Variants in SMAD2 observed in about 807,000 individuals in gnomAD.
SMAD2 encodes the protein MAD homolog 2.
SMAD2 carries 8 observed loss-of-function variants against 64.4 expected under a neutral mutation model. The observed-to-expected ratio is 0.12, with a 90% CI of 0.07 to 0.22. The LOEUF (loss-of-function observed/expected upper bound fraction) is 0.22, where lower values mean the gene tolerates loss of function less well. Among genes scored for constraint, SMAD2 ranks in the 10% least tolerant of loss-of-function variants. The pLI is 1.00. For missense variants in SMAD2, 289 were observed against 561.2 expected, an observed-to-expected ratio of 0.51 and a Z score of 4.90; for synonymous variants, 203 against 195.8, an observed-to-expected ratio of 1.04 and a Z score of -0.31.
intron 6 of SMAD2, among the ~76,000 whole-genome samples, chr18:47,859,898 A>G (rs963762002): frequency 6.6e-6 from 1 of 152,206 alleles, no homozygotes; most frequent in African/African-American, 2.4e-5. Context: ...TATGAAAGGA[A>G]TAACAAATAT....
intron 1 of SMAD2, chr18:47,912,557 G>A (rs996780152): frequency 5.9e-5 from 9 of 152,360 alleles, no homozygotes; most frequent in African/African-American, 2.2e-4. Flanking sequence ...CAGTGTACAA[G>A]TAAGAGTGTG....
intron 1 of SMAD2, among the ~76,000 whole-genome samples, chr18:47,901,060 C>T (rs2033663714): frequency 6.6e-6 from 1 of 152,102 alleles, no homozygotes; most frequent in Non-Finnish European, 1.5e-5. Flanking sequence ...CAATGTTCTA[C>T]ATATGACAAT....
rs773728040 is a variant in SMAD2, at chr18:47,865,020, A to G, written c.730+39T>C. 4 of 1,141,354 alleles carry G rather than the reference A, an allele frequency of 3.5e-6. No homozygotes were observed. In the Admixed American group the frequency reaches 6.8e-5, roughly 19 times the overall value. The allele number at this position is 1,141,354 out of a possible 1,614,324, so 70.7% of individuals were successfully genotyped here. On this transcript the variant is annotated intron_variant, in intron 6 of 10. Transcript: ENST00000262160. Reference sequence around the variant, plus strand: ...ATTTCAAACAATACAAGAAATGTATATCTAATAACTGAGGAATTTTCAAAG... The same window carrying G: ...ATTTCAAACAATACAAGAAATGTATGTCTAATAACTGAGGAATTTTCAAAG...
intron 6 of SMAD2, among the ~76,000 whole-genome samples, chr18:47,859,032 G>A (rs897111145): frequency 2.6e-5 from 4 of 151,816 alleles, no homozygotes; most frequent in South Asian, 2.1e-4. Flanking sequence ...ATAAAGATTC[G>A]GATAGACTGA....
chr18:47,915,300 C>T (rs1463927713), intron 1 of SMAD2, among the ~76,000 whole-genome samples: 2 of 152,166 alleles, frequency 1.3e-5, no homozygotes, highest in Non-Finnish European at 2.9e-5. Context: ...CAATACAGTT[C>T]TGTACATTTT....
intron 8 of SMAD2, 99 bp downstream of exon 8, chr18:47,848,376 G>A (rs1914741572): frequency 2.2e-6 from 2 of 903,390 alleles, no homozygotes; most frequent in Admixed American, 1.8e-5. Flanking sequence ...AGAGAAAGCT[G>A]GTTTTACTGC....
chr18:47,908,010 A>T (rs930665893), intron 1 of SMAD2, among the ~76,000 whole-genome samples: 1 of 152,348 alleles, frequency 6.6e-6, no homozygotes, highest in African/African-American at 2.4e-5. Flanking sequence ...AAAAAAATTT[A>T]AAAGGTGCCT....
chr18:47,863,570 T>C (rs1384453756), intron 6 of SMAD2, among the ~76,000 whole-genome samples: 1 of 152,188 alleles, frequency 6.6e-6, no homozygotes, highest in Non-Finnish European at 1.5e-5. Flanking sequence ...TTCTGGCTTA[T>C]TTCACTTAAC....
chr18:47,893,819 GATCAATAATAA>G (rs1367042572), intron 2 of SMAD2, among the ~76,000 whole-genome samples: 5 of 152,040 alleles, frequency 3.3e-5, no homozygotes, highest in Non-Finnish European at 7.4e-5. Context: ...GATAGACCAT[GATCAATAATAA>G]CAAATCTCCA....
chr18:47,867,146 T>G (rs2031621550), intron 5 of SMAD2: 1 of 152,174 alleles, frequency 6.6e-6, no homozygotes, highest in African/African-American at 2.4e-5. Flanking sequence ...CCTAGTGTTA[T>G]CATACTACAT....
rs1193458472 is a variant in SMAD2 at position 47,810,530 on chromosome 18, C to G, written c.*31297G>C. On this transcript the variant is annotated 3_prime_UTR_variant, in exon 11 of 11. Coordinates refer to ENST00000262160, the MANE Select transcript of SMAD2 (RefSeq NM_005901.6). ...TTGGCATTAGTGGCACCTGTGACAG[C>G]AAATCAAGGTCCTCCCAAATAAAAA... 2.0e-5 allele frequency: 3 copies of G among 152,188 alleles called. No individual in the cohort carries two copies. The highest frequency in any genetic ancestry group is 7.2e-5 in the African/African-American group (3 of 41,432). The allele number at this position is 152,188 out of a possible 1,614,324, so 9.4% of individuals were successfully genotyped here. A position where few individuals can be genotyped will look rare whatever the true frequency, so the allele number is the denominator to read the frequency against.
chr18:47,907,173 A>G (rs2033938286), intron 1 of SMAD2, among the ~76,000 whole-genome samples: 1 of 152,236 alleles, frequency 6.6e-6, no homozygotes, highest in Non-Finnish European at 1.5e-5. Context: ...TCTACCCTGT[A>G]TCACACATTC....
chr18:47,901,927 G>T (rs890623238), intron 1 of SMAD2, among the ~76,000 whole-genome samples: 7 of 152,160 alleles, frequency 4.6e-5, no homozygotes, highest in Non-Finnish European at 7.4e-5. Context: ...AAAATCATCA[G>T]TGTGTATTCA....
At chr18:47,905,325 C>T (rs1010651938) in intron 1 of SMAD2, among the ~76,000 whole-genome samples, 1 of 152,066 alleles carries the variant, frequency 6.6e-6, no homozygotes, top group African/African-American at 2.4e-5. Flanking sequence ...AAAGAGAGAT[C>T]ATGTTCATAG....
intron 1 of SMAD2, among the ~76,000 whole-genome samples, chr18:47,897,095 T>C (rs998002425): frequency 6.6e-6 from 1 of 152,214 alleles, no homozygotes; most frequent in African/African-American, 2.4e-5. Flanking sequence ...CAATACTATT[T>C]TAAACTCTTA....
At position 47,837,576 on chromosome 18, in the gene SMAD2, A is replaced by C. The variant is rs923917061; in HGVS notation, c.*4251T>G. On this transcript the variant is annotated 3_prime_UTR_variant, in exon 11 of 11. Transcript: ENST00000262160. ...GACTCCCTCTCAAAAAAAAAAAAAA[A>C]AAACAAAAAACAAGGCTAACAAGAA... 1 of 227,972 alleles carries C rather than the reference A, an allele frequency of 4.4e-6. No homozygotes were observed. Among genetic ancestry groups the C allele is most frequent in the South Asian group, 1.8e-4 (1 of 5,420 alleles). 14.1% of individuals were successfully genotyped at this position (227,972 alleles called of 1,614,324 possible).
intron 1 of SMAD2, among the ~76,000 whole-genome samples, chr18:47,925,837 G>A (rs961868281): frequency 2.0e-5 from 3 of 152,156 alleles, no homozygotes; most frequent in Admixed American, 6.5e-5. Flanking sequence ...CAAGAAAGGG[G>A]ATCAAAAAAA....
At chr18:47,874,187 G>A (rs1396886955) in intron 2 of SMAD2, among the ~76,000 whole-genome samples, 1 of 152,066 alleles carries the variant, frequency 6.6e-6, no homozygotes, top group Admixed American at 6.6e-5. Context: ...TGTAGCAACT[G>A]ACAAGCTGAT....
chr18:47,885,639 GA>G (rs1198660484), intron 2 of SMAD2, among the ~76,000 whole-genome samples: 1 of 152,034 alleles, frequency 6.6e-6, no homozygotes, highest in African/African-American at 2.4e-5. Context: ...AATACTAGAG[GA>G]AAAACTAGAT....
Sources: gnomAD v4.1 joint callset for allele counts (sites outside exome capture counted in the v4.1 genomes callset) on GRCh38, gnomAD v4.1.1 for gene constraint, MANE v1.5 for transcripts, NCBI Gene and HGNC (gene_info 2026-07-23, HGNC 2026-07-21) for gene names.